The following GABRG1 variants were observed in gnomAD, a reference collection of about 807,000 sequenced individuals.
GABRG1 encodes gamma-aminobutyric acid receptor subunit gamma-1.
GABRG1 carries 49 observed loss-of-function variants against 49.8 expected under a neutral mutation model. That is an observed-to-expected ratio of 0.98 (90% CI 0.78 to 1.25). GABRG1 has a LOEUF of 1.25. Ranked by LOEUF, GABRG1 falls within the 50% of genes most tolerant of loss-of-function variation. GABRG1 has a pLI of 0.00. For missense variants in GABRG1, 552 were observed against 552.3 expected, an observed-to-expected ratio of 1.00 and a Z score of 0.01; for synonymous variants, 232 against 185.1, an observed-to-expected ratio of 1.25 and a Z score of -2.06.
At chr4:46,047,120 A>G (rs979339736) in intron 8 of GABRG1, among the ~76,000 whole-genome samples, 4 of 152,150 alleles carry the variant, frequency 2.6e-5, no homozygotes, top group Admixed American at 6.6e-5. Context: ...ACATGTGGCT[A>G]TTGAGCACTT....
chr4:46,122,232 T>G lies in GABRG1; in HGVS notation c.104+1578A>C, dbSNP rs1721107410. 2.0e-5 allele frequency among the ~76,000 whole-genome samples: 3 copies of G among 152,104 alleles called. No homozygotes were observed. The South Asian group carries it at 6.2e-4, about 31-fold the overall frequency. On this transcript the variant is annotated intron_variant, in intron 1 of 8. Transcript: ENST00000295452. ...TGCAAATATTCCCCAAAACAAAACA[T>G]GTTTATTTAAAATAAAACATCTCTT...
intron 8 of GABRG1, among the ~76,000 whole-genome samples, chr4:46,043,036 T>G (rs1717843733): frequency 1.3e-5 from 2 of 151,958 alleles, no homozygotes; most frequent in Admixed American, 1.3e-4. Context: ...AATTGGTACC[T>G]ATTTCCTTGT....
chr4:46,072,790 G>C (rs764371753), intron 3 of GABRG1, among the ~76,000 whole-genome samples: 2 of 151,160 alleles, frequency 1.3e-5, no homozygotes, highest in Non-Finnish European at 2.9e-5. Flanking sequence ...TGCTAGCTTC[G>C]CATGTGCGAT....
At chr4:46,123,637 C>T (rs1560379644) in intron 1 of GABRG1, among the ~76,000 whole-genome samples, 173 bp downstream of exon 1, 1 of 151,968 alleles carries the variant, frequency 6.6e-6, no homozygotes, top group Non-Finnish European at 1.5e-5. Context: ...TGTTACTTTC[C>T]TTCTATCTGA....
At chr4:46,044,344 A>T (rs1717905326) in intron 8 of GABRG1, among the ~76,000 whole-genome samples, 1 of 151,750 alleles carries the variant, frequency 6.6e-6, no homozygotes, top group African/African-American at 2.4e-5. Flanking sequence ...ATCTGGGTGT[A>T]GTTGCATGTG....
At chr4:46,073,617 T>C (rs575527998) in intron 3 of GABRG1, among the ~76,000 whole-genome samples, 15 of 152,018 alleles carry the variant, frequency 9.9e-5, no homozygotes, top group South Asian at 2.1e-4. Flanking sequence ...AAACATAGTA[T>C]GGTAACAAAT....
At chr4:46,090,570 T>A (rs575641466) in intron 2 of GABRG1, among the ~76,000 whole-genome samples, 7 of 151,902 alleles carry the variant, frequency 4.6e-5, no homozygotes, top group Non-Finnish European at 1.0e-4. Flanking sequence ...AATAGTAAAG[T>A]ATAAGGAGTA....
rs533608394 is a variant in GABRG1 at position 46,055,052 on chromosome 4, C to T, written c.916+3165G>A. Among the ~76,000 whole-genome samples, 455 of 80,278 alleles carry T rather than the reference C, an allele frequency of 5.7e-3. 122 individuals carry two copies. The highest frequency in any genetic ancestry group is 0.028 in the African/African-American group (434 of 15,710). The allele number at this position is 80,278 out of a possible 152,430, so 52.7% of individuals were successfully genotyped here. A position where few individuals can be genotyped will look rare whatever the true frequency, so the allele number is the denominator to read the frequency against. On this transcript the variant is annotated intron_variant, in intron 7 of 8. Coordinates refer to ENST00000295452, the MANE Select transcript of GABRG1 (RefSeq NM_173536.4). ...AGGACATAGGCGTGGGCAAGGACTT[C>T]ATGTCCAAAACACCAAAAGCAATGG...
chr4:46,077,019 A>T (rs1383084476), intron 3 of GABRG1, among the ~76,000 whole-genome samples: 1 of 151,506 alleles, frequency 6.6e-6, no homozygotes, highest in African/African-American at 2.4e-5. Context: ...AATATGCAAC[A>T]TTTAACGGAT....
intron 1 of GABRG1, among the ~76,000 whole-genome samples, chr4:46,113,016 C>G (rs923663248): frequency 6.6e-6 from 1 of 151,022 alleles, no homozygotes; most frequent in Non-Finnish European, 1.5e-5. Context: ...TTCTTATCTC[C>G]CCAACCCTCA....
At chr4:46,079,615 T>A (rs954348694) in intron 3 of GABRG1, among the ~76,000 whole-genome samples, 2 of 151,956 alleles carry the variant, frequency 1.3e-5, no homozygotes, top group African/African-American at 4.8e-5. Context: ...TTCCTACAAT[T>A]AAATTCATGT....
At chr4:46,041,401 G>T in intron 8 of GABRG1, 147 bp from the exon 9 acceptor site, 1 of 682,554 alleles carries the variant, frequency 1.5e-6, no homozygotes, top group South Asian at 2.3e-5. Flanking sequence ...ATTATAACAT[G>T]TTTTATATTA....
chr4:46,052,523 C>A lies in GABRG1; in HGVS notation c.917-885G>T, dbSNP rs143035530. Among the ~76,000 whole-genome samples the A allele has an allele frequency of 7.7e-3, 1,166 of 151,894 alleles. 10 individuals are homozygous for A. The highest frequency in any genetic ancestry group is 0.012 in the Non-Finnish European group (824 of 67,860). On this transcript the variant is annotated intron_variant, in intron 7 of 8. Coordinates refer to ENST00000295452, the MANE Select transcript of GABRG1 (RefSeq NM_173536.4). ...GTATACCTGGGATGTCCCCAAGGGT[C>A]CCAATCCTGTATGTGTATCCTTGAA...
At chr4:46,044,050 A>G (rs1295936654) in intron 8 of GABRG1, among the ~76,000 whole-genome samples, 1 of 152,108 alleles carries the variant, frequency 6.6e-6, no homozygotes, top group Non-Finnish European at 1.5e-5. Flanking sequence ...TGACTATATA[A>G]TATTAATTTC....
chr4:46,039,337 A>G lies in GABRG1; in HGVS notation c.*1651T>C, dbSNP rs1321325236. The G allele has an allele frequency of 2.0e-5, 3 of 151,676 alleles. No individual in the cohort carries two copies. The highest frequency in any genetic ancestry group is 4.4e-5 in the Non-Finnish European group (3 of 67,750). The allele number at this position is 151,676 out of a possible 1,614,324, so 9.4% of individuals were successfully genotyped here. On this transcript the variant is annotated 3_prime_UTR_variant, in exon 9 of 9. Coordinates refer to ENST00000295452, the MANE Select transcript of GABRG1 (RefSeq NM_173536.4). ...TTTATGAGCAAGTGAAAAAAAAAAT[A>G]GAGTTAGCTGGGAACACACAGTAAA...
rs535099025 is a variant in GABRG1 at position 46,058,300 on chromosome 4, T to C, written c.833A>G (p.Tyr278Cys). The C allele has an allele frequency of 1.2e-6, 2 of 1,613,138 alleles. No individual in the cohort carries two copies. The highest frequency in any genetic ancestry group is 1.3e-5 in the African/African-American group (1 of 75,008). ...RRMGYFTIQT[Y>C]IPCILTVVLS... ...AACAACTGTCAGAATGCATGGAATG[T>C]AGGTCTGAATAGTGAAATATCCCAT... Residue 278 changes from tyrosine (Y) to cysteine (C), a missense_variant, in exon 7 of 9, where the codon TAC becomes TGC. Transcript: ENST00000295452.
At chr4:46,106,770 C>G (rs1279187139) in intron 1 of GABRG1, among the ~76,000 whole-genome samples, 1 of 124,970 alleles carries the variant, frequency 8.0e-6, no homozygotes, top group African/African-American at 3.0e-5. Flanking sequence ...TGAAATAAAA[C>G]ATGTGGAGGT....
intron 1 of GABRG1, among the ~76,000 whole-genome samples, chr4:46,111,018 G>T (rs1264454804): frequency 6.6e-6 from 1 of 151,022 alleles, no homozygotes; most frequent in Non-Finnish European, 1.5e-5. Context: ...GCAAGAGAAA[G>T]AAATAAAAGG....
At chr4:46,095,460 A>G (rs936028626) in intron 2 of GABRG1, among the ~76,000 whole-genome samples, 1 of 151,868 alleles carries the variant, frequency 6.6e-6, no homozygotes, top group Non-Finnish European at 1.5e-5. Context: ...CCCAAATTGA[A>G]CAGCTCTGAA....
Sources: gnomAD v4.1 joint callset for allele counts (sites outside exome capture counted in the v4.1 genomes callset) on GRCh38, gnomAD v4.1.1 for gene constraint, MANE v1.5 for transcripts, NCBI Gene and HGNC (gene_info 2026-07-23, HGNC 2026-07-21) for gene names.